HECTD4: variants seen among roughly 807,000 people sequenced by gnomAD.
HECTD4 encodes HECT domain E3 ubiquitin protein ligase 4, also known as probable E3 ubiquitin-protein ligase HECTD4.
Under a neutral mutation model 471.5 loss-of-function variants are expected in HECTD4, and 114 were observed. That is an observed-to-expected ratio of 0.24 (90% CI 0.21 to 0.28). The LOEUF is 0.28. Ranked by LOEUF, HECTD4 falls within the 10% of genes least tolerant of loss-of-function variation. The pLI is 1.00. For synonymous variants in HECTD4, 2,012 were observed against 2,256.0 expected, an observed-to-expected ratio of 0.89 and a Z score of 3.07; for missense variants, 3,866 against 5,651.5, an observed-to-expected ratio of 0.68 and a Z score of 10.13.
At chr12:112,189,900 T>G (rs902602730) in intron 60 of HECTD4, among the ~76,000 whole-genome samples, 3 of 152,236 alleles carry the variant, frequency 2.0e-5, no homozygotes, top group Non-Finnish European at 2.9e-5. Context: ...ACTACAGGCA[T>G]GCACCACCAT....
chr12:112,321,415 T>G (rs1408428000), intron 1 of HECTD4, among the ~76,000 whole-genome samples: 1 of 152,156 alleles, frequency 6.6e-6, no homozygotes, highest in East Asian at 1.9e-4. Flanking sequence ...ACCAACAGAC[T>G]ACTGTAATCA....
At chr12:112,192,876 T>A (rs1362297364) in intron 58 of HECTD4, 111 bp from the exon 59 acceptor site, 24 of 1,210,620 alleles carry the variant, frequency 2.0e-5, no homozygotes, top group Non-Finnish European at 2.0e-5. Flanking sequence ...GCCCAAGTCA[T>A]TTCCACCACA....
chr12:112,324,193 G>T lies in HECTD4; in HGVS notation c.178-4451C>A, dbSNP rs142045306. 1.8e-3 allele frequency among the ~76,000 whole-genome samples: 269 copies of T among 147,792 alleles called. 2 individuals carry two copies. The highest frequency in any genetic ancestry group is 6.4e-3 in the African/African-American group (255 of 39,844). ...ACAGTGGTGCAATCTTAGCTCACTG[G>T]AGCCTCAAGCTTCCCAGGCTCAGGT... On this transcript the variant is annotated intron_variant, in intron 1 of 75. Coordinates refer to ENST00000682272, the MANE Select transcript of HECTD4 (RefSeq NM_001388303.1).
intron 64 of HECTD4, 60 bp downstream of exon 64, chr12:112,178,871 C>G (rs149956934): frequency 5.2e-6 from 8 of 1,535,930 alleles, no homozygotes; most frequent in African/African-American, 1.4e-5. Flanking sequence ...GGCTCCTGCT[C>G]GGAGGCCTCC....
intron 1 of HECTD4, among the ~76,000 whole-genome samples, chr12:112,325,397 G>T (rs1295409111): frequency 6.6e-6 from 1 of 152,130 alleles, no homozygotes; most frequent in Non-Finnish European, 1.5e-5. Context: ...CATTTCAGGG[G>T]CCCCTTATGA....
At chr12:112,365,808 G>A (rs1179485436) in intron 1 of HECTD4, among the ~76,000 whole-genome samples, 2 of 121,846 alleles carry the variant, frequency 1.6e-5, no homozygotes, top group Non-Finnish European at 3.2e-5. Context: ...GTCTCCCTGT[G>A]TTGCCCAGGC....
At chr12:112,352,334 T>C in intron 1 of HECTD4, among the ~76,000 whole-genome samples, 1 of 147,562 alleles carries the variant, frequency 6.8e-6, no homozygotes, top group South Asian at 2.2e-4. Context: ...GGATGGAGCA[T>C]CTTTTTTTTT....
rs961858439 is a variant in HECTD4 at position 112,280,608 on chromosome 12, T to C, written c.1529-1222A>G. Among the ~76,000 whole-genome samples the C allele has an allele frequency of 2.6e-5, 4 of 152,098 alleles. No individual in the cohort carries two copies. In the East Asian group the frequency reaches 5.8e-4, roughly 22 times the overall value. On this transcript the variant is annotated intron_variant, in intron 8 of 75. Coordinates refer to ENST00000682272, the MANE Select transcript of HECTD4 (RefSeq NM_001388303.1). ...TTAAGCTGCAAGCCCCCACCAAGTA[T>C]ATTCTTCATTAAGGACATAAATTCA...
At chr12:112,303,930 C>T (rs1377509716) in intron 7 of HECTD4, among the ~76,000 whole-genome samples, 1 of 150,938 alleles carries the variant, frequency 6.6e-6, no homozygotes, top group Non-Finnish European at 1.5e-5. Flanking sequence ...AAACTCTCAT[C>T]TATCACAGCA....
intron 17 of HECTD4, among the ~76,000 whole-genome samples, chr12:112,262,340 G>A (rs1478095414): frequency 3.3e-5 from 5 of 151,562 alleles, no homozygotes; most frequent in African/African-American, 7.3e-5. Flanking sequence ...GTGAAACCCC[G>A]TCTCTACTAA....
chr12:112,284,676 C>T (rs1369495518), intron 7 of HECTD4, among the ~76,000 whole-genome samples: 1 of 152,216 alleles, frequency 6.6e-6, no homozygotes, highest in Non-Finnish European at 1.5e-5. Context: ...TCAGCACACT[C>T]TAATGAGTCG....
intron 24 of HECTD4, among the ~76,000 whole-genome samples, chr12:112,250,756 T>A (rs2033863946): frequency 6.6e-6 from 1 of 152,174 alleles, no homozygotes; most frequent in Non-Finnish European, 1.5e-5. Context: ...GAGAAAAGCT[T>A]ATGCAGTTCA....
chr12:112,230,234 AGGG>A (rs916243402), intron 40 of HECTD4, among the ~76,000 whole-genome samples: 4 of 152,218 alleles, frequency 2.6e-5, no homozygotes, highest in African/African-American at 9.6e-5. Flanking sequence ...GGCTGTGGAA[AGGG>A]GGAATTGCTT....
intron 32 of HECTD4, among the ~76,000 whole-genome samples, chr12:112,240,230 C>T (rs1184353600): frequency 6.6e-6 from 1 of 152,164 alleles, no homozygotes; most frequent in Non-Finnish European, 1.5e-5. Flanking sequence ...CAGCGGTCCA[C>T]ACTCCAGAAA....
In HECTD4 at chr12:112,367,831, A is replaced by C. The variant is rs1042378508; in HGVS notation, c.177+14121T>G. On this transcript the variant is annotated intron_variant, in intron 1 of 75. Transcript: ENST00000682272. ...GGGAGACTCCATCTCAAAAAAAAAA[A>C]AAAAAAAAAAAAAAAAACGCTAACA... Among the ~76,000 whole-genome samples the C allele has an allele frequency of 6.0e-5, 9 of 149,176 alleles. No homozygotes were observed. In the South Asian group the frequency reaches 6.3e-4, roughly 10 times the overall value.
chr12:112,296,232 G>GGTAGGTGCAGACAGTT (rs1446361238), intron 7 of HECTD4, among the ~76,000 whole-genome samples: 3 of 151,294 alleles, frequency 2.0e-5, no homozygotes, highest in African/African-American at 7.3e-5. Context: ...TGCAGACAGT[G>GGTAGGTGCAGACAGTT]GTAGGTGCAG....
chr12:112,190,676 C>T (rs2032046894), intron 60 of HECTD4, 110 bp downstream of exon 60: 1 of 923,774 alleles, frequency 1.1e-6, no homozygotes, highest in Admixed American at 3.0e-5. Context: ...GCTGCAGCTG[C>T]CTGGGCTACC....
chr12:112,264,176 G>T lies in HECTD4; in HGVS notation c.2656C>A (p.Gln886Lys). Residue 886 changes from glutamine to lysine, a missense_variant, in exon 17 of 76, where the codon CAG (glutamine) becomes AAG (lysine). By Grantham distance (53) the Gln-to-Lys change is moderately conservative. This residue lies in a region of HECTD4 where 525 missense variants were observed against 672.6 expected (regional missense o/e 0.78). Transcript: ENST00000682272. Reference sequence around the variant, plus strand: ...ATAGTGTTACTGAGAAGGTGATTCTGAACTGCCATCAGATAGCGCAGGCAG... The same window carrying T: ...ATAGTGTTACTGAGAAGGTGATTCTTAACTGCCATCAGATAGCGCAGGCAG... The part of the protein sequence containing the change: ...SSCLRYLMAV[Q>K]NHLLSNTILI... 6.2e-7 allele frequency: 1 copy of T among 1,605,550 alleles called. No homozygotes were observed. The highest frequency in any genetic ancestry group is 1.1e-5 in the South Asian group (1 of 88,964).
rs748268619 is a variant in HECTD4, at chr12:112,163,925, C to CAGAGGGT, written c.12701+183_12701+184insACCCTCT. On this transcript the variant is annotated intron_variant, in intron 73 of 75. Transcript: ENST00000682272. This position sits in a 1 kb window ranked among gnomAD's most constrained non-coding sequence, Gnocchi z 8.2. ...CAGAGCTGCTGTTTTCTTAGTAAACCCCTTCTGCTGAGGACCCTCTTTCTT... is the reference window on the plus strand; with the variant it reads ...CAGAGCTGCTGTTTTCTTAGTAAACCAGAGGGTCCTTCTGCTGAGGACCCTCTTTCTT... Among the ~76,000 whole-genome samples the CAGAGGGT allele has an allele frequency of 2.0e-5, 3 of 152,146 alleles. No homozygotes were observed. The highest frequency in any genetic ancestry group is 4.4e-5 in the Non-Finnish European group (3 of 68,012).
Sources: allele counts gnomAD v4.1 joint callset (sites outside exome capture counted in the v4.1 genomes callset), GRCh38; gene constraint gnomAD v4.1.1; regional missense constraint gnomAD v4.1.1; non-coding constraint Gnocchi (gnomAD v3.1); transcripts MANE v1.5; gene names NCBI Gene and HGNC (gene_info 2026-07-23, HGNC 2026-07-21).